Variants in NLRP8 observed in about 807,000 individuals in gnomAD.
NLRP8 encodes NLR family pyrin domain containing 8.
NLRP8 carries 86 observed loss-of-function variants against 88.7 expected under a neutral mutation model. The ratio of observed to expected loss-of-function variants is 0.97; its 90% confidence interval spans 0.81 to 1.16. The LOEUF (loss-of-function observed/expected upper bound fraction) is 1.16, where lower values mean the gene tolerates loss of function less well. NLRP8 is among the 50% of genes most tolerant of loss of function. The probability of loss-of-function intolerance (pLI) is 0.00; values close to 1 mark genes in which losing one functional copy is unlikely to be tolerated. For missense variants in NLRP8, 1,342 were observed against 1,286.5 expected, an observed-to-expected ratio of 1.04 and a Z score of -0.66; for synonymous variants, 504 against 494.6, an observed-to-expected ratio of 1.02 and a Z score of -0.25.
intron 3 of NLRP8, among the ~76,000 whole-genome samples, chr19:55,959,649 C>T (rs1010039339): frequency 5.3e-5 from 8 of 152,210 alleles, no homozygotes. Flanking sequence ...TGCTTATTCT[C>T]ACAGCCCAAT....
chr19:55,963,023 C>T (rs181257995), intron 4 of NLRP8, among the ~76,000 whole-genome samples: 2 of 151,908 alleles, frequency 1.3e-5, no homozygotes, highest in Non-Finnish European at 2.9e-5. Flanking sequence ...ATTATCCCCC[C>T]CCTTTTTTAA....
rs1426847604 is a variant in NLRP8, at chr19:55,955,285, A to C, written c.1227A>C (p.Gln409His). The C allele has an allele frequency of 6.2e-7, 1 of 1,614,090 alleles. No individual in the cohort carries two copies. Among genetic ancestry groups the C allele is most frequent in the Non-Finnish European group, 8.5e-7 (1 of 1,180,016 alleles). The change falls in exon 3 of 10, where the codon CAA (glutamine) becomes CAC (histidine). Residue 409 changes from glutamine (Q) to histidine (H), a missense_variant. Physicochemically the swap from Gln to His is conservative, Grantham distance 24. Transcript: ENST00000291971. ...TGGTCTGCTCTGGTCTGAAACAGCA[A>C]ATGGAGAGAGGAAACAATCTCACAC...
intron 7 of NLRP8, among the ~76,000 whole-genome samples, chr19:55,975,867 C>A (rs575828661): frequency 6.6e-6 from 1 of 152,022 alleles, no homozygotes; most frequent in African/African-American, 2.4e-5. Context: ...CACAAATATT[C>A]TAAAATTGTG....
chr19:55,958,610 G>A (rs189200039), intron 3 of NLRP8, among the ~76,000 whole-genome samples: 2 of 152,292 alleles, frequency 1.3e-5, no homozygotes, highest in Admixed American at 1.3e-4. Context: ...GCAGGACTGA[G>A]TCATTGCCAG....
chr19:55,980,879 GGCACTTT>G lies in NLRP8; in HGVS notation c.3047+1317_3047+1323del, dbSNP rs1980545848. The stretch of plus-strand genomic sequence containing the variant: ...GGGGGCTGTCTTGGTTGAACCCCAA[GGCACTTT>G]GAATTCATTCCTGAGCTCCTAAGAG... On this transcript the variant is annotated intron_variant, in intron 9 of 9. Transcript: ENST00000291971. 2.0e-5 allele frequency among the ~76,000 whole-genome samples: 3 copies of G among 152,234 alleles called. No homozygotes were observed. In the South Asian group the frequency reaches 6.2e-4, roughly 32 times the overall value.
In NLRP8 at chr19:55,954,527, G is replaced by A; in HGVS notation, c.469G>A (p.Val157Met). 1 of 1,614,000 alleles carries A rather than the reference G, an allele frequency of 6.2e-7. No individual in the cohort carries two copies. The highest frequency in any genetic ancestry group is 8.5e-7 in the Non-Finnish European group (1 of 1,179,984). Residue 157 changes from valine to methionine, a missense_variant, in exon 3 of 10, where the codon GTG (valine) becomes ATG (methionine). Coordinates refer to ENST00000291971, the MANE Select transcript of NLRP8 (RefSeq NM_176811.2). The stretch of plus-strand genomic sequence containing the variant: ...TAAAATACGGCGGTATAAATCGAAT[G>A]TGATGGAAAAGTTTTTCCCCATATG...
intron 7 of NLRP8, among the ~76,000 whole-genome samples, chr19:55,974,801 G>A (rs999999507): frequency 6.6e-6 from 1 of 151,474 alleles, no homozygotes; most frequent in African/African-American, 2.4e-5. Context: ...TGAATGTGAA[G>A]TTTGGCAGTT....
chr19:55,950,372 T>C (rs1333135607), intron 1 of NLRP8, among the ~76,000 whole-genome samples: 1 of 151,680 alleles, frequency 6.6e-6, no homozygotes, highest in African/African-American at 2.4e-5. Flanking sequence ...AGGGCTAAGA[T>C]CATGCCACTG....
chr19:55,966,573 C>T (rs576912676), intron 5 of NLRP8, among the ~76,000 whole-genome samples, 193 bp downstream of exon 5: 12 of 152,108 alleles, frequency 7.9e-5, no homozygotes, highest in Non-Finnish European at 1.3e-4. Flanking sequence ...GAGGCTGAGG[C>T]GGGAGGATCA....
At chr19:55,961,621 G>C (rs149302435) in intron 3 of NLRP8, among the ~76,000 whole-genome samples, 1 of 148,348 alleles carries the variant, frequency 6.7e-6, no homozygotes, top group Non-Finnish European at 1.5e-5. Flanking sequence ...GGGTAACATG[G>C]AGAATCCCTG....
intron 7 of NLRP8, among the ~76,000 whole-genome samples, chr19:55,974,941 G>A (rs1362029846): frequency 6.6e-6 from 1 of 152,030 alleles, no homozygotes. Flanking sequence ...GTTAGAAAGG[G>A]AGCTGGAACT....
At chr19:55,986,271 A>AACACAC (rs1016490683) in intron 9 of NLRP8, among the ~76,000 whole-genome samples, 3 of 151,338 alleles carry the variant, frequency 2.0e-5, no homozygotes, top group African/African-American at 7.3e-5. Context: ...AAGGGCACCC[A>AACACAC]ACACACACTC....
chr19:55,981,642 T>G (rs1980577213), intron 9 of NLRP8, among the ~76,000 whole-genome samples: 1 of 152,194 alleles, frequency 6.6e-6, no homozygotes, highest in Non-Finnish European at 1.5e-5. Flanking sequence ...GGGGAAAGTG[T>G]GCACAAGGAA....
chr19:55,962,959 C>G (rs1345854137), intron 4 of NLRP8, among the ~76,000 whole-genome samples: 1 of 152,114 alleles, frequency 6.6e-6, no homozygotes, highest in African/African-American at 2.4e-5. Flanking sequence ...CACGTGCGAC[C>G]TGAGCACTGA....
intron 4 of NLRP8, among the ~76,000 whole-genome samples, chr19:55,963,899 C>T (rs754102018): frequency 1.1e-4 from 17 of 151,972 alleles, no homozygotes; most frequent in Admixed American, 7.2e-4. Flanking sequence ...CGTTGCCCAC[C>T]GTCTGCTAGG....
chr19:55,980,863 C>G (rs193243656), intron 9 of NLRP8, among the ~76,000 whole-genome samples, 196 bp from the exon 10 acceptor site: 62 of 152,276 alleles, frequency 4.1e-4, no homozygotes, highest in African/African-American at 1.5e-3. Context: ...TGGGGGCTGT[C>G]TTGGTTGAAC....
At chr19:55,961,037 G>A (rs1284871559) in intron 3 of NLRP8, among the ~76,000 whole-genome samples, 2 of 151,574 alleles carry the variant, frequency 1.3e-5, no homozygotes, top group Admixed American at 1.3e-4. Flanking sequence ...CAAGTAGCTG[G>A]GATTACAGGT....
At chr19:55,959,534 A>C (rs1979523436) in intron 3 of NLRP8, among the ~76,000 whole-genome samples, 1 of 151,758 alleles carries the variant, frequency 6.6e-6, no homozygotes, top group Non-Finnish European at 1.5e-5. Flanking sequence ...TTTAAAAGGA[A>C]TTGCTGCATC....
intron 3 of NLRP8, among the ~76,000 whole-genome samples, chr19:55,959,133 C>T (rs1212407222): frequency 1.3e-5 from 2 of 151,732 alleles, no homozygotes; most frequent in Non-Finnish European, 2.9e-5. Flanking sequence ...CTGCCTCGGC[C>T]TCCCAAAGTG....
Sources: gnomAD v4.1 joint callset for allele counts (sites outside exome capture counted in the v4.1 genomes callset) on GRCh38, gnomAD v4.1.1 for gene constraint, MANE v1.5 for transcripts, NCBI Gene and HGNC (gene_info 2026-07-23, HGNC 2026-07-21) for gene names.